The following ERC2 variants were observed in gnomAD, a reference collection of about 807,000 sequenced individuals.
ERC2 encodes the protein ELKS/RAB6-interacting/CAST family member 2, also known as ERC protein 2.
In ERC2, 42 loss-of-function variants were observed where a neutral mutation model predicts 114.8. That is an observed-to-expected ratio of 0.37 (90% CI 0.29 to 0.47). The LOEUF (loss-of-function observed/expected upper bound fraction) is 0.47, where lower values mean the gene tolerates loss of function less well. Among genes scored for constraint, ERC2 ranks in the 20% least tolerant of loss-of-function variants. The pLI is 0.99. For missense variants in ERC2, 939 were observed against 1,150.7 expected (o/e 0.82, Z 2.66); for synonymous variants, 454 against 425.5 (o/e 1.07, Z -0.82).
chr3:55,825,159 A>G lies in ERC2; in HGVS notation c.2564+63230T>C, dbSNP rs532616488. On this transcript the variant is annotated intron_variant, in intron 14 of 17. Transcript: ENST00000288221. ...ACCTGGAATTCTTCCTTGTGTCTTC[A>G]TTTCAAACTGTGAGCAGGGTTGCTT... Among the ~76,000 whole-genome samples, 52 of 152,300 alleles carry G rather than the reference A, an allele frequency of 3.4e-4. No individual in the cohort carries two copies. The South Asian group carries it at 0.011, about 31-fold the overall frequency.
intron 1 of ERC2, among the ~76,000 whole-genome samples, chr3:56,441,488 A>C (rs549921876): frequency 1.3e-5 from 2 of 152,330 alleles, no homozygotes; most frequent in East Asian, 3.9e-4. Context: ...TTAAAATGGA[A>C]ATATCATAAT....
At chr3:56,264,903 G>A (rs1438494690) in intron 3 of ERC2, among the ~76,000 whole-genome samples, 2 of 149,956 alleles carry the variant, frequency 1.3e-5, no homozygotes, top group Non-Finnish European at 3.0e-5. Context: ...TAACCAAGGA[G>A]GTGAAAGGTC....
chr3:56,241,835 C>T (rs1249863551), intron 3 of ERC2, among the ~76,000 whole-genome samples: 1 of 152,202 alleles, frequency 6.6e-6, no homozygotes, highest in Non-Finnish European at 1.5e-5. Context: ...CAGGGGTCAA[C>T]TAATGATGAC....
intron 17 of ERC2, among the ~76,000 whole-genome samples, chr3:55,628,709 A>G (rs2059622305): frequency 6.6e-6 from 1 of 152,194 alleles, no homozygotes; most frequent in African/African-American, 2.4e-5. Context: ...GAAGATGAAA[A>G]GCGGAAGGCT....
At chr3:56,083,556 T>A (rs1401309514) in intron 6 of ERC2, among the ~76,000 whole-genome samples, 1 of 152,170 alleles carries the variant, frequency 6.6e-6, no homozygotes, top group Non-Finnish European at 1.5e-5. Context: ...TAATTTATAT[T>A]TCAATAAATT....
intron 1 of ERC2, among the ~76,000 whole-genome samples, chr3:56,447,034 A>G (rs1052942814): frequency 5.3e-5 from 8 of 152,216 alleles, no homozygotes; most frequent in Admixed American, 5.2e-4. Context: ...AAGAAACTCC[A>G]TCATGGGCTG....
chr3:55,542,732 T>C (rs2054482244), intron 17 of ERC2, among the ~76,000 whole-genome samples: 1 of 152,188 alleles, frequency 6.6e-6, no homozygotes, highest in Non-Finnish European at 1.5e-5. Flanking sequence ...GGTAACCTTT[T>C]TCATCCAAAT....
At chr3:56,071,151 G>A (rs1221888047) in intron 7 of ERC2, among the ~76,000 whole-genome samples, 5 of 152,178 alleles carry the variant, frequency 3.3e-5, no homozygotes, top group Non-Finnish European at 5.9e-5. Flanking sequence ...CAGTACCTTT[G>A]AGGCAGCCAG....
intron 17 of ERC2, chr3:55,657,749 C>T (rs149357668): frequency 0.026 from 4,014 of 152,256 alleles, 90 homozygotes; most frequent in Non-Finnish European, 0.041. Context: ...TGTAAGCCAC[C>T]GCACCCACCC....
intron 14 of ERC2, among the ~76,000 whole-genome samples, chr3:55,761,953 T>TCTCCCC (rs1283139143): frequency 9.2e-6 from 1 of 108,154 alleles, no homozygotes; most frequent in Non-Finnish European, 1.8e-5. Flanking sequence ...TTCCTCTCTC[T>TCTCCCC]CTCCCCCTCC....
intron 17 of ERC2, among the ~76,000 whole-genome samples, chr3:55,625,131 G>A (rs1483965589): frequency 6.6e-6 from 1 of 152,130 alleles, no homozygotes; most frequent in Non-Finnish European, 1.5e-5. Flanking sequence ...ACTTAGGGAG[G>A]CCGAGGTAGG....
intron 7 of ERC2, among the ~76,000 whole-genome samples, chr3:56,042,256 G>C (rs1267992218): frequency 6.6e-6 from 1 of 152,196 alleles, no homozygotes; most frequent in Non-Finnish European, 1.5e-5. Flanking sequence ...ATTCCCAAAT[G>C]ACATAAAGCT....
intron 3 of ERC2, among the ~76,000 whole-genome samples, chr3:56,186,114 T>TAAAAAAAAAA (rs201544979): frequency 8.8e-5 from 9 of 102,540 alleles, no homozygotes; most frequent in East Asian, 2.5e-4. Flanking sequence ...TCAAGAACCT[T>TAAAAAAAAAA]AAAAAAAAAA....
chr3:55,509,495 A>C lies in ERC2; in HGVS notation c.*1821T>G, dbSNP rs1272799440. On this transcript the variant is annotated 3_prime_UTR_variant, in exon 18 of 18. Coordinates refer to ENST00000288221, the MANE Select transcript of ERC2 (RefSeq NM_015576.3). ...AGACCTAGATCCCTCTGATAGTTAAAGGACAAACTTTTAAAACATGAATGC... is the reference window on the plus strand; with the variant it reads ...AGACCTAGATCCCTCTGATAGTTAACGGACAAACTTTTAAAACATGAATGC... 1 of 152,508 alleles carries C rather than the reference A, an allele frequency of 6.6e-6. No homozygotes were observed. The highest frequency in any genetic ancestry group is 1.9e-4 in the East Asian group (1 of 5,204). 9.4% of individuals were successfully genotyped at this position (152,508 alleles called of 1,614,324 possible). A position where few individuals can be genotyped will look rare whatever the true frequency, so the allele number is the denominator to read the frequency against.
At chr3:55,573,333 C>A (rs2056818072) in intron 17 of ERC2, among the ~76,000 whole-genome samples, 1 of 152,196 alleles carries the variant, frequency 6.6e-6, no homozygotes, top group Non-Finnish European at 1.5e-5. Flanking sequence ...TGAGATGATG[C>A]ATTTAGCATG....
chr3:55,667,119 A>T (rs1196198485), intron 17 of ERC2, among the ~76,000 whole-genome samples: 2 of 152,176 alleles, frequency 1.3e-5, no homozygotes, highest in African/African-American at 4.8e-5. Flanking sequence ...AGGGTTGGGG[A>T]GGATAATGGA....
intron 13 of ERC2, among the ~76,000 whole-genome samples, chr3:55,920,447 C>CACACCCCCCCA (rs59688935): frequency 1.8e-4 from 25 of 139,700 alleles, no homozygotes; most frequent in African/African-American, 6.9e-4. Flanking sequence ...CACACACACA[C>CACACCCCCCCA]CCCAAGTGAG....
At chr3:55,727,673 T>C (rs1169697797) in intron 15 of ERC2, among the ~76,000 whole-genome samples, 3 of 152,164 alleles carry the variant, frequency 2.0e-5, no homozygotes, top group African/African-American at 4.8e-5. Context: ...TCTAGGCAAA[T>C]TGATTTATGA....
At chr3:56,456,120 T>C (rs1354306405) in intron 1 of ERC2, among the ~76,000 whole-genome samples, 1 of 152,240 alleles carries the variant, frequency 6.6e-6, no homozygotes, top group East Asian at 1.9e-4. Context: ...TGGCAAAGAC[T>C]AGAATTCATT....
Sources: gnomAD v4.1 joint callset for allele counts (sites outside exome capture counted in the v4.1 genomes callset) on GRCh38, gnomAD v4.1.1 for gene constraint, MANE v1.5 for transcripts, NCBI Gene and HGNC (gene_info 2026-07-23, HGNC 2026-07-21) for gene names.